DZANK1: variants seen among roughly 807,000 people sequenced by gnomAD.
DZANK1 encodes the protein double zinc ribbon and ankyrin repeat domains 1, also known as double zinc ribbon and ankyrin repeat-containing protein 1.
DZANK1 carries 91 observed loss-of-function variants against 94.5 expected under a neutral mutation model. The observed-to-expected ratio is 0.96, with a 90% CI of 0.81 to 1.15. The LOEUF (loss-of-function observed/expected upper bound fraction) is 1.15. Ranked by LOEUF, DZANK1 falls within the 50% of genes most tolerant of loss-of-function variation. The pLI is 0.00. For synonymous variants in DZANK1, 312 were observed against 325.3 expected (o/e 0.96, Z 0.44); for missense variants, 903 against 916.4 (o/e 0.99, Z 0.19).
At chr20:18,452,010 A>C (rs1348708263) in intron 6 of DZANK1, 1 of 502,538 alleles carries the variant, frequency 2.0e-6, no homozygotes, top group Non-Finnish European at 4.0e-6. Context: ...CAAACTTCTT[A>C]CGGTCAGACT....
intron 13 of DZANK1, among the ~76,000 whole-genome samples, chr20:18,406,105 T>C (rs1030493128): frequency 1.3e-5 from 2 of 152,178 alleles, no homozygotes; most frequent in Admixed American, 6.5e-5. Context: ...ATAGGTAAAC[T>C]TGAAAGGCAG....
At chr20:18,398,352 C>G (rs1489434034) in intron 14 of DZANK1, 171 bp downstream of exon 14, 1 of 601,062 alleles carries the variant, frequency 1.7e-6, no homozygotes, top group Non-Finnish European at 3.0e-6. Context: ...TATTCATGTG[C>G]AAGTGATTTA....
At chr20:18,436,243 A>T (rs1005617397) in intron 8 of DZANK1, among the ~76,000 whole-genome samples, 1 of 152,126 alleles carries the variant, frequency 6.6e-6, no homozygotes, top group Non-Finnish European at 1.5e-5. Flanking sequence ...TTATTTTTTT[A>T]AAAAAAGAAT....
At chr20:18,412,262 A>G (rs2057295109) in intron 13 of DZANK1, among the ~76,000 whole-genome samples, 2 of 152,198 alleles carry the variant, frequency 1.3e-5, no homozygotes, top group African/African-American at 4.8e-5. Context: ...CAACTGGCCC[A>G]AATTATAGAC....
intron 15 of DZANK1, chr20:18,394,756 A>T (rs1568882481): frequency 2.2e-6 from 1 of 460,146 alleles, no homozygotes; most frequent in Non-Finnish European, 4.4e-6. Flanking sequence ...CATGATGGGA[A>T]GGTCTCAGGC....
chr20:18,422,540 T>A (rs1017475814), intron 10 of DZANK1, among the ~76,000 whole-genome samples: 1 of 152,242 alleles, frequency 6.6e-6, no homozygotes, highest in Non-Finnish European at 1.5e-5. Context: ...GTCAAAACTT[T>A]GTTTCATGCA....
At chr20:18,456,210 G>A (rs2059282474) in intron 3 of DZANK1, among the ~76,000 whole-genome samples, 1 of 152,176 alleles carries the variant, frequency 6.6e-6, no homozygotes, top group Non-Finnish European at 1.5e-5. Context: ...TGTAGACAGT[G>A]TAATATATGC....
At chr20:18,427,604 T>TGG (rs1555874057) in intron 9 of DZANK1, among the ~76,000 whole-genome samples, 264 of 91,540 alleles carry the variant, frequency 2.9e-3, no homozygotes, top group African/African-American at 8.0e-3. Flanking sequence ...TGTGTAAGGT[T>TGG]GGGTGTGTGT....
intron 3 of DZANK1, among the ~76,000 whole-genome samples, chr20:18,459,382 A>G (rs1242924632): frequency 6.6e-6 from 1 of 152,158 alleles, no homozygotes; most frequent in Non-Finnish European, 1.5e-5. Flanking sequence ...GCTCTCCTCA[A>G]AAAGCCATGC....
At chr20:18,433,528 C>T (rs2058372496) in intron 9 of DZANK1, 124 bp downstream of exon 9, 2 of 784,202 alleles carry the variant, frequency 2.6e-6, no homozygotes, top group African/African-American at 3.6e-5. Flanking sequence ...TGTGACAGAA[C>T]AAGATTCTGT....
chr20:18,405,737 G>A (rs1453957113), intron 13 of DZANK1, among the ~76,000 whole-genome samples: 2 of 152,220 alleles, frequency 1.3e-5, no homozygotes, highest in East Asian at 1.9e-4. Context: ...AAAATCAGGT[G>A]AGCAATCACA....
intron 8 of DZANK1, among the ~76,000 whole-genome samples, chr20:18,440,022 T>C (rs1263335207): frequency 2.6e-5 from 4 of 152,046 alleles, no homozygotes; most frequent in African/African-American, 7.2e-5. Context: ...ACTGATGTCT[T>C]TATAAGAAGA....
At chr20:18,430,483 T>C (rs1481202219) in intron 9 of DZANK1, among the ~76,000 whole-genome samples, 1 of 152,200 alleles carries the variant, frequency 6.6e-6, no homozygotes, top group Non-Finnish European at 1.5e-5. Context: ...CATCTTCTGG[T>C]GAACAGGGAT....
intron 3 of DZANK1, among the ~76,000 whole-genome samples, chr20:18,456,789 A>C (rs773139034): frequency 5.9e-5 from 9 of 152,158 alleles, no homozygotes; most frequent in Non-Finnish European, 1.3e-4. Flanking sequence ...GATATACCAC[A>C]ATTTTTATGT....
chr20:18,440,537 G>T (rs2058685015), intron 8 of DZANK1, among the ~76,000 whole-genome samples: 2 of 152,032 alleles, frequency 1.3e-5, no homozygotes, highest in Non-Finnish European at 2.9e-5. Flanking sequence ...TTTCCTCCTG[G>T]ATCACAGCAT....
At chr20:18,400,745 C>A (rs2056627816) in intron 13 of DZANK1, among the ~76,000 whole-genome samples, 1 of 152,076 alleles carries the variant, frequency 6.6e-6, no homozygotes, top group East Asian at 1.9e-4. Flanking sequence ...GCCATTTATC[C>A]CACAAATATT....
At chr20:18,455,022 C>G (rs2148775570) in intron 4 of DZANK1, among the ~76,000 whole-genome samples, 1 of 152,242 alleles carries the variant, frequency 6.6e-6, no homozygotes, top group East Asian at 1.9e-4. Flanking sequence ...GACACTGGAG[C>G]ATGGACCCCA....
chr20:18,425,466 G>A (rs1467767679), intron 10 of DZANK1, among the ~76,000 whole-genome samples: 3 of 151,622 alleles, frequency 2.0e-5, no homozygotes, highest in Non-Finnish European at 4.4e-5. Flanking sequence ...CAGGAGAATC[G>A]CTTGAACCAG....
At chr20:18,433,073 G>A (rs2058347873) in intron 9 of DZANK1, 1 of 152,208 alleles carries the variant, frequency 6.6e-6, no homozygotes, top group African/African-American at 2.4e-5. Context: ...AATATATGAA[G>A]TAAAAAATTG....
Sources: allele counts gnomAD v4.1 joint callset (sites outside exome capture counted in the v4.1 genomes callset), GRCh38; gene constraint gnomAD v4.1.1; transcripts MANE v1.5; gene names NCBI Gene and HGNC (gene_info 2026-07-23, HGNC 2026-07-21).